Variants in ZSWIM6 observed in about 807,000 individuals in gnomAD.
ZSWIM6 encodes zinc finger SWIM-type containing 6.
Under a neutral mutation model 113.2 loss-of-function variants are expected in ZSWIM6, and 9 were observed. That is an observed-to-expected ratio of 0.08 (90% CI 0.05 to 0.14). The LOEUF is 0.14. Ranked by LOEUF, ZSWIM6 falls within the 10% of genes least tolerant of loss-of-function variation. ZSWIM6 has a pLI of 1.00. For missense variants in ZSWIM6, 1,162 were observed against 1,552.2 expected (o/e 0.75, Z 4.22); for synonymous variants, 611 against 606.5 (o/e 1.01, Z -0.11).
intron 4 of ZSWIM6, among the ~76,000 whole-genome samples, chr5:61,513,359 A>G (rs1213874141): frequency 6.6e-6 from 1 of 152,070 alleles, no homozygotes; most frequent in African/African-American, 2.4e-5. Context: ...GAGGATTTAC[A>G]TATTCTAGAT....
chr5:61,346,686 C>G (rs1744665319), intron 1 of ZSWIM6, among the ~76,000 whole-genome samples: 1 of 152,172 alleles, frequency 6.6e-6, no homozygotes. Flanking sequence ...TTTTTATAAG[C>G]AAAGTGCTCA....
intron 1 of ZSWIM6, among the ~76,000 whole-genome samples, chr5:61,405,438 C>T (rs764234902): frequency 2.6e-5 from 4 of 152,140 alleles, no homozygotes; most frequent in Non-Finnish European, 5.9e-5. Context: ...TCAATTTCTT[C>T]ACCACAACCA....
At chr5:61,498,502 G>A (rs1748380273) in intron 4 of ZSWIM6, among the ~76,000 whole-genome samples, 1 of 152,146 alleles carries the variant, frequency 6.6e-6, no homozygotes, top group Non-Finnish European at 1.5e-5. Context: ...TTCATTGTAT[G>A]ATTAGTTTGA....
intron 1 of ZSWIM6, among the ~76,000 whole-genome samples, chr5:61,337,672 A>G (rs1369854631): frequency 8.5e-5 from 13 of 152,246 alleles, no homozygotes; most frequent in Admixed American, 8.5e-4. Context: ...ATTTTAAAAC[A>G]AGTTAAAAAC....
chr5:61,535,530 T>C lies in ZSWIM6; in HGVS notation c.2292T>C (p.Val764=), dbSNP rs1300862180. ...GTGAAATAATCCATCGGGAGAGCGT[T>C]CCAATGCACACATTTGCCAAGTATC... is the stretch of plus-strand genomic sequence containing the variant. ...GLGEIIHRES[V]PMHTFAKYLF... is the part of the protein sequence containing the mutation. Residue 764 remains valine (V), a synonymous_variant, in exon 10 of 14, where the codon GTT becomes GTC. Coordinates refer to ENST00000252744, the MANE Select transcript of ZSWIM6 (RefSeq NM_020928.2). The C allele has an allele frequency of 6.4e-7, 1 of 1,551,294 alleles. No individual in the cohort carries two copies. Among genetic ancestry groups the C allele is most frequent in the East Asian group, 2.4e-5 (1 of 40,900 alleles).
chr5:61,531,838 C>A, intron 9 of ZSWIM6, 113 bp downstream of exon 9: 1 of 1,197,566 alleles, frequency 8.4e-7, no homozygotes, highest in Non-Finnish European at 1.2e-6. Context: ...ATCCTGATTG[C>A]TATAGTCATG....
In ZSWIM6 at chr5:61,429,465, C is replaced by T. The variant is rs148887342; in HGVS notation, c.677-43216C>T. 4.7e-3 allele frequency among the ~76,000 whole-genome samples: 709 copies of T among 152,044 alleles called. 7 individuals are homozygous for T. The highest frequency in any genetic ancestry group is 0.016 in the African/African-American group (668 of 41,462). On this transcript the variant is annotated intron_variant, in intron 1 of 13. Transcript: ENST00000252744. ...AGGCCTTGGCAAAATCTGCTTTGGC[C>T]GAGATGAAGGAAATGAAGGAATCTG...
At position 61,373,117 on chromosome 5, in the gene ZSWIM6, A is replaced by T. The variant is rs991719010; in HGVS notation, c.676+40169A>T. On this transcript the variant is annotated intron_variant, in intron 1 of 13. Coordinates refer to ENST00000252744, the MANE Select transcript of ZSWIM6 (RefSeq NM_020928.2). ...TATTCATTTACGTTTAAAAAATTTT[A>T]AAAAATACCTTATAGAGTGGGGTCT... is the stretch of plus-strand genomic sequence containing the variant. Among the ~76,000 whole-genome samples, 8 of 152,120 alleles carry T rather than the reference A, an allele frequency of 5.3e-5. No individual in the cohort carries two copies. The East Asian group carries it at 5.8e-4, about 11-fold the overall frequency.
At chr5:61,515,727 T>G (rs1300455702) in intron 4 of ZSWIM6, among the ~76,000 whole-genome samples, 1 of 152,158 alleles carries the variant, frequency 6.6e-6, no homozygotes, top group Non-Finnish European at 1.5e-5. Flanking sequence ...TTCTGGCTAC[T>G]TGTTCTGTTA....
At chr5:61,534,601 A>T (rs1279103647) in intron 9 of ZSWIM6, among the ~76,000 whole-genome samples, 1 of 152,140 alleles carries the variant, frequency 6.6e-6, no homozygotes, top group East Asian at 1.9e-4. Flanking sequence ...TTTATTAAAA[A>T]CTTTACAGTA....
At chr5:61,500,878 A>G (rs1239363829) in intron 4 of ZSWIM6, among the ~76,000 whole-genome samples, 1 of 152,104 alleles carries the variant, frequency 6.6e-6, no homozygotes, top group Non-Finnish European at 1.5e-5. Flanking sequence ...CCTGGCCTGA[A>G]CTAGGCGCTG....
At chr5:61,355,332 C>T (rs982430564) in intron 1 of ZSWIM6, among the ~76,000 whole-genome samples, 15 of 152,040 alleles carry the variant, frequency 9.9e-5, no homozygotes, top group African/African-American at 2.7e-4. Flanking sequence ...GAGATGCCCC[C>T]GGCTTTCAGA....
At chr5:61,447,374 C>A (rs1233640827) in intron 1 of ZSWIM6, among the ~76,000 whole-genome samples, 2 of 152,078 alleles carry the variant, frequency 1.3e-5, no homozygotes, top group Non-Finnish European at 2.9e-5. Flanking sequence ...ACAGACAAGC[C>A]CCAAAAGTGT....
intron 1 of ZSWIM6, among the ~76,000 whole-genome samples, chr5:61,337,280 C>A (rs1744421303): frequency 6.8e-6 from 1 of 147,660 alleles, no homozygotes; most frequent in South Asian, 2.1e-4. Flanking sequence ...TTCCGTCTCC[C>A]CCCCCAAAAA....
intron 1 of ZSWIM6, among the ~76,000 whole-genome samples, chr5:61,347,943 C>T (rs899215457): frequency 1.3e-5 from 2 of 152,106 alleles, no homozygotes; most frequent in Admixed American, 6.6e-5. Flanking sequence ...AGATTTGGGC[C>T]GGGCATGGTG....
intron 1 of ZSWIM6, among the ~76,000 whole-genome samples, chr5:61,390,410 AG>A (rs1387087838): frequency 1.3e-5 from 2 of 152,186 alleles, no homozygotes; most frequent in African/African-American, 4.8e-5. Context: ...TTATTCCTCC[AG>A]TATTAAATTT....
intron 1 of ZSWIM6, among the ~76,000 whole-genome samples, chr5:61,439,986 T>G (rs1746791429): frequency 6.6e-6 from 1 of 152,096 alleles, no homozygotes; most frequent in African/African-American, 2.4e-5. Flanking sequence ...ATGCTTGAAA[T>G]GCCAAATCAT....
chr5:61,366,757 C>T (rs2112061584), intron 1 of ZSWIM6, among the ~76,000 whole-genome samples: 1 of 151,974 alleles, frequency 6.6e-6, no homozygotes, highest in East Asian at 1.9e-4. Context: ...TGGTGAAACC[C>T]CATCTCCACA....
At chr5:61,391,480 G>T (rs886989511) in intron 1 of ZSWIM6, 7 of 1,319,508 alleles carry the variant, frequency 5.3e-6, no homozygotes, top group Non-Finnish European at 7.7e-6. Flanking sequence ...GCAGTACTTG[G>T]TAAAGGCCTT....
Sources: gnomAD v4.1 joint callset for allele counts (sites outside exome capture counted in the v4.1 genomes callset) on GRCh38, gnomAD v4.1.1 for gene constraint, MANE v1.5 for transcripts, NCBI Gene and HGNC (gene_info 2026-07-23, HGNC 2026-07-21) for gene names.